RBAK: variants seen among roughly 807,000 people sequenced by gnomAD.
RBAK encodes the protein RB-associated KRAB zinc finger protein.
A neutral mutation model predicts 65.8 loss-of-function variants in RBAK; 39 were observed. That is an observed-to-expected ratio of 0.59 (90% confidence interval 0.46 to 0.77). RBAK has a LOEUF of 0.77. Ranked by LOEUF, RBAK falls within the 30% of genes least tolerant of loss-of-function variation. RBAK has a pLI of 0.00. For missense variants in RBAK, 884 were observed against 855.1 expected (o/e 1.03, Z -0.42); for synonymous variants, 343 against 289.7 (o/e 1.18, Z -1.87).
rs1270813659 is a variant in RBAK at position 5,069,216 on chromosome 7, A to G, written c.*3615A>G. ...CATCACTCTAATCATATTTTTCTAG[A>G]TGTGTATGAATATGCTGCACAACAG... On this transcript the variant is annotated 3_prime_UTR_variant, in exon 5 of 5. Coordinates refer to ENST00000396912, the MANE Select transcript of RBAK (RefSeq NM_021163.4). 3 of 152,184 alleles carry G rather than the reference A, an allele frequency of 2.0e-5. No individual in the cohort carries two copies. Among genetic ancestry groups the G allele is most frequent in the African/African-American group, 4.8e-5 (2 of 41,440 alleles). The allele number at this position is 152,184 out of a possible 1,614,324, so 9.4% of individuals were successfully genotyped here. A position where few individuals can be genotyped will look rare whatever the true frequency, so the allele number is the denominator to read the frequency against.
intron 4 of RBAK, 108 bp downstream of exon 4, chr7:5,057,887 C>A: frequency 9.0e-7 from 1 of 1,105,906 alleles, no homozygotes. Context: ...CCTCCCAACC[C>A]CCAAATATCA....
At chr7:5,057,534 T>C (rs1196410205) in intron 3 of RBAK, 113 bp downstream of exon 3, 28 of 1,598,438 alleles carry the variant, frequency 1.8e-5, no homozygotes, top group Non-Finnish European at 2.3e-5. Flanking sequence ...CTGGAGTGTT[T>C]ATATTATTAT....
intron 2 of RBAK, among the ~76,000 whole-genome samples, chr7:5,055,241 C>A (rs1367084567): frequency 3.6e-5 from 5 of 137,490 alleles, no homozygotes; most frequent in African/African-American, 1.1e-4. Context: ...AAGACTGAGG[C>A]ATAAATGTGT....
intron 4 of RBAK, among the ~76,000 whole-genome samples, 166 bp downstream of exon 4, chr7:5,057,945 T>A (rs1213379839): frequency 2.0e-5 from 3 of 152,228 alleles, no homozygotes; most frequent in African/African-American, 7.2e-5. Context: ...ATTTTACATT[T>A]GATTTACATT....
chr7:5,060,899 T>C (rs1171299809), intron 4 of RBAK, among the ~76,000 whole-genome samples: 1 of 152,174 alleles, frequency 6.6e-6, no homozygotes, highest in East Asian at 1.9e-4. Flanking sequence ...CAGCTAAAAA[T>C]AGTTTGTGCA....
At position 5,065,559 on chromosome 7, in the gene RBAK, T is replaced by C. The variant is rs1490953231; in HGVS notation, c.2103T>C (p.His701=). Reference sequence around the variant, plus strand: ...CCTTCAATAGCCATCAGAGAATTCATAGAAGAGGAAATATGAACGTACTTG... The same window carrying C: ...CCTTCAATAGCCATCAGAGAATTCACAGAAGAGGAAATATGAACGTACTTG... ...RSAFNSHQRI[H]RRGNMNVLDV... The change falls in exon 5 of 5, where the codon CAT becomes CAC. Residue 701 remains histidine (H), a synonymous_variant. Coordinates refer to ENST00000396912, the MANE Select transcript of RBAK (RefSeq NM_021163.4). The surrounding 1 kb of genome is among the most constrained non-coding windows in gnomAD (Gnocchi z 5.3). 1.9e-6 allele frequency: 3 copies of C among 1,556,298 alleles called. No individual in the cohort carries two copies. The highest frequency in any genetic ancestry group is 2.5e-5 in the South Asian group (2 of 80,828).
chr7:5,067,911 A>T lies in RBAK; in HGVS notation c.*2310A>T, dbSNP rs1779259782. The T allele has an allele frequency of 6.6e-6, 1 of 152,246 alleles. No individual in the cohort carries two copies. The highest frequency in any genetic ancestry group is 1.5e-5 in the Non-Finnish European group (1 of 68,044). 9.4% of individuals were successfully genotyped at this position (152,246 alleles called of 1,614,324 possible). On this transcript the variant is annotated 3_prime_UTR_variant, in exon 5 of 5. Coordinates refer to ENST00000396912, the MANE Select transcript of RBAK (RefSeq NM_021163.4). ...AAAGTTATTTGGAGGTGGATTGCAGATCTGAATATGAAATGTGAAAGCTTT... is the reference window on the plus strand; with the variant it reads ...AAAGTTATTTGGAGGTGGATTGCAGTTCTGAATATGAAATGTGAAAGCTTT...
chr7:5,061,619 C>T (rs540450461), intron 4 of RBAK, among the ~76,000 whole-genome samples: 25 of 150,964 alleles, frequency 1.7e-4, no homozygotes, highest in Admixed American at 6.6e-4. Context: ...ATTCCCTGGC[C>T]GGCCACGGTG....
At position 5,057,421 on chromosome 7, in the gene RBAK, G is replaced by A; in HGVS notation, c.142G>A (p.Gly48Arg). 1 of 1,614,028 alleles carries A rather than the reference G, an allele frequency of 6.2e-7. No individual in the cohort carries two copies. The highest frequency in any genetic ancestry group is 8.5e-7 in the Non-Finnish European group (1 of 1,179,994). ...GAACTATAGCCATCTAGTTTCTGTG[G>A]GTGAGAATAGCTTGCTTTCTGAATG... ...LENYSHLVSV[G>R]YDTTKPNVII... Residue 48 changes from glycine to arginine, a missense_variant and splice_region_variant, in exon 3 of 5, where the codon GGA becomes AGA. Coordinates refer to ENST00000396912, the MANE Select transcript of RBAK (RefSeq NM_021163.4).
chr7:5,056,503 A>G (rs1338894880), intron 2 of RBAK, among the ~76,000 whole-genome samples: 1 of 152,132 alleles, frequency 6.6e-6, no homozygotes, highest in African/African-American at 2.4e-5. Flanking sequence ...TTCATCCCAT[A>G]GAATGCACAA....
chr7:5,053,007 G>A (rs1423852320), intron 2 of RBAK, among the ~76,000 whole-genome samples: 1 of 152,282 alleles, frequency 6.6e-6, no homozygotes, highest in East Asian at 1.9e-4. Flanking sequence ...TGACCTGTCT[G>A]CCTCAGCCTC....
rs776519644 is a variant in RBAK, at chr7:5,065,217, AG to A, written c.1762del (p.Val588TyrfsTer119). 1 of 1,613,628 alleles carries A rather than the reference AG, an allele frequency of 6.2e-7. No homozygotes were observed. The highest frequency in any genetic ancestry group is 8.5e-7 in the Non-Finnish European group (1 of 1,179,854). ...ATTCATCCCTCTTCAGACATCAAAG[AG>A]TACACACAGGCGAGAAACCCTATGA... ...HNSSLFRHQR[V>X]HTGEKPYECY... On this transcript the variant is annotated frameshift_variant, in exon 5 of 5. Coordinates refer to ENST00000396912, the MANE Select transcript of RBAK (RefSeq NM_021163.4). LOFTEE classifies it high-confidence loss of function. The surrounding 1 kb of genome is among the most constrained non-coding windows in gnomAD (Gnocchi z 5.3).
At chr7:5,047,279 G>T (rs938500119) in intron 1 of RBAK, among the ~76,000 whole-genome samples, 2 of 152,116 alleles carry the variant, frequency 1.3e-5, no homozygotes, top group South Asian at 2.1e-4. Flanking sequence ...TGCACCTGTG[G>T]TCCCAGCTAC....
chr7:5,067,527 C>G lies in RBAK; in HGVS notation c.*1926C>G, dbSNP rs1779249685. The G allele has an allele frequency of 6.6e-6, 1 of 152,124 alleles. No homozygotes were observed. The highest frequency in any genetic ancestry group is 2.1e-4 in the South Asian group (1 of 4,836). The allele number at this position is 152,124 out of a possible 1,614,324, so 9.4% of individuals were successfully genotyped here. ...ACAATCTCAAAACTATTGCTTTTTC[C>G]TAAATTCATTGCAACCTTAAAATCC... On this transcript the variant is annotated 3_prime_UTR_variant, in exon 5 of 5. Transcript: ENST00000396912.
At chr7:5,059,119 C>G (rs1217233472) in intron 4 of RBAK, among the ~76,000 whole-genome samples, 1 of 152,180 alleles carries the variant, frequency 6.6e-6, no homozygotes, top group African/African-American at 2.4e-5. Context: ...TGTTCTTTGT[C>G]TTCTGTGAAA....
chr7:5,051,326 AC>A (rs1788112256), intron 2 of RBAK, among the ~76,000 whole-genome samples: 1 of 152,196 alleles, frequency 6.6e-6, no homozygotes, highest in Non-Finnish European at 1.5e-5. Flanking sequence ...ATGCATATAT[AC>A]ATATATGTGT....
chr7:5,052,226 T>A (rs997191517), intron 2 of RBAK, among the ~76,000 whole-genome samples: 1 of 152,230 alleles, frequency 6.6e-6, no homozygotes. Flanking sequence ...CTTTTACTTA[T>A]AACGTATTTG....
rs1380888072 is a variant in RBAK at position 5,046,174 on chromosome 7, C to T, written c.-267C>T. 1 of 443,376 alleles carries T rather than the reference C, an allele frequency of 2.3e-6. No individual in the cohort carries two copies. Among genetic ancestry groups the T allele is most frequent in the African/African-American group, 2.0e-5 (1 of 49,602 alleles). The allele number at this position is 443,376 out of a possible 1,614,324, so 27.5% of individuals were successfully genotyped here. A position where few individuals can be genotyped will look rare whatever the true frequency, so the allele number is the denominator to read the frequency against. Reference sequence around the variant, plus strand: ...GCCCGTGTGTGTCCTGGCGGCCTGGCCCAGGCTGCCGCTGTACGGTGAGCC... The same window carrying T: ...GCCCGTGTGTGTCCTGGCGGCCTGGTCCAGGCTGCCGCTGTACGGTGAGCC... On this transcript the variant is annotated 5_prime_UTR_variant, in exon 1 of 5. Coordinates refer to ENST00000396912, the MANE Select transcript of RBAK (RefSeq NM_021163.4).
intron 2 of RBAK, among the ~76,000 whole-genome samples, chr7:5,050,501 G>A (rs1788092046): frequency 6.6e-6 from 1 of 152,162 alleles, no homozygotes; most frequent in Non-Finnish European, 1.5e-5. Flanking sequence ...TTATTGCTGT[G>A]ATTTACTAGT....
Sources: allele counts gnomAD v4.1 joint callset (sites outside exome capture counted in the v4.1 genomes callset), GRCh38; gene constraint gnomAD v4.1.1; non-coding constraint Gnocchi (gnomAD v3.1); transcripts MANE v1.5; gene names NCBI Gene and HGNC (gene_info 2026-07-23, HGNC 2026-07-21).